The following BSN variants were observed in gnomAD, a reference collection of about 807,000 sequenced individuals.
BSN encodes protein bassoon.
Under a neutral mutation model 264.8 loss-of-function variants are expected in BSN, and 57 were observed. That is an observed-to-expected ratio of 0.22 (90% CI 0.17 to 0.27). The LOEUF is 0.27. BSN is among the 10% of genes least tolerant of loss of function. BSN has a pLI of 1.00. For synonymous variants in BSN, 2,059 were observed against 2,137.3 expected (o/e 0.96, Z 1.01); for missense variants, 4,615 against 5,232.5 (o/e 0.88, Z 3.64).
At chr3:49,557,647 C>T (rs539343269) in intron 1 of BSN, among the ~76,000 whole-genome samples, 3 of 150,864 alleles carry the variant, frequency 2.0e-5, no homozygotes, top group Admixed American at 6.6e-5. Context: ...GCACGATCTC[C>T]GCTCACTGCA....
In BSN at chr3:49,663,145, G is replaced by A. The variant is rs1218069449; in HGVS notation, c.10987G>A (p.Gly3663Arg). The change falls in exon 7 of 12, where the codon GGA becomes AGA. Residue 3663 changes from glycine to arginine, a missense_variant. Around this residue, in one of 3 missense-constraint regions of BSN, gnomAD observed 3,415 missense variants for 3,866.4 expected, o/e 0.88. Transcript: ENST00000296452. Reference sequence around the variant, plus strand: ...AGGCCGCCACACTGGTGAGGAGCCGGGACGGCGTGCTGCCAAACCACACGC... The same window carrying A: ...AGGCCGCCACACTGGTGAGGAGCCGAGACGGCGTGCTGCCAAACCACACGC... ...HSGRHTGEEP[G>R]RRAAKPHARD... 2.5e-6 allele frequency: 4 copies of A among 1,612,538 alleles called. No individual in the cohort carries two copies. The South Asian group carries it at 3.3e-5, about 13-fold the overall frequency.
At position 49,669,266 on chromosome 3, in the gene BSN, A is replaced by G. The variant is rs36116071; in HGVS notation, c.*1781A>G. 0.044 allele frequency: 6,727 copies of G among 152,696 alleles called. 222 individuals are homozygous for G. The highest frequency in any genetic ancestry group is 0.06 in the Non-Finnish European group (4,083 of 68,012). 9.5% of individuals were successfully genotyped at this position (152,696 alleles called of 1,614,324 possible). On this transcript the variant is annotated 3_prime_UTR_variant, in exon 12 of 12. Coordinates refer to ENST00000296452, the MANE Select transcript of BSN (RefSeq NM_003458.4). ...GTGCCAGGCTGCAGGGCAGGCAGTAAAAGGCCCCCACATACCCTGCAGTTT... is the reference window on the plus strand; with the variant it reads ...GTGCCAGGCTGCAGGGCAGGCAGTAGAAGGCCCCCACATACCCTGCAGTTT...
intron 3 of BSN, among the ~76,000 whole-genome samples, chr3:49,649,494 A>G (rs935319135): frequency 1.3e-5 from 2 of 152,170 alleles, no homozygotes; most frequent in Non-Finnish European, 2.9e-5. Flanking sequence ...AAGGACTTCA[A>G]ATCCTGCCAA....
intron 1 of BSN, among the ~76,000 whole-genome samples, chr3:49,562,970 A>G (rs1407322105): frequency 6.6e-6 from 1 of 152,216 alleles, no homozygotes; most frequent in Non-Finnish European, 1.5e-5. Flanking sequence ...GATGATCTCC[A>G]CAGTCCCTTC....
chr3:49,644,872 T>C (rs561120893), intron 3 of BSN, among the ~76,000 whole-genome samples: 12 of 152,326 alleles, frequency 7.9e-5, no homozygotes, highest in African/African-American at 2.4e-4. Context: ...ACAGTTCCTC[T>C]TGGCCGTCCC....
chr3:49,643,212 G>C (rs1039082620), intron 3 of BSN, 60 bp downstream of exon 3: 2 of 1,532,856 alleles, frequency 1.3e-6, no homozygotes, highest in Non-Finnish European at 1.8e-6. Flanking sequence ...CCTGGGTAGT[G>C]AGTGTCATGG....
In BSN at chr3:49,638,052, T is replaced by C. The variant is rs1179555179; in HGVS notation, c.634-4216T>C. 6.6e-6 allele frequency among the ~76,000 whole-genome samples: 1 copy of C among 152,230 alleles called. No homozygotes were observed. The highest frequency in any genetic ancestry group is 6.5e-5 in the Admixed American group (1 of 15,288). On this transcript the variant is annotated intron_variant, in intron 2 of 11. Coordinates refer to ENST00000296452, the MANE Select transcript of BSN (RefSeq NM_003458.4). This position sits in a 1 kb window ranked among gnomAD's most constrained non-coding sequence, Gnocchi z 4.3. ...TGGTAGCCTGCACATCTCCTGCCCA[T>C]GTGCCAGATCAGGATCTTGGAGGTA... is the stretch of plus-strand genomic sequence containing the variant.
At chr3:49,650,240 T>C (rs148205124) in intron 3 of BSN, among the ~76,000 whole-genome samples, 1 of 152,330 alleles carries the variant, frequency 6.6e-6, no homozygotes, top group Non-Finnish European at 1.5e-5. Flanking sequence ...CTGGACTCCA[T>C]ACCAGCCCAC....
At position 49,608,717 on chromosome 3, in the gene BSN, A is replaced by G. The variant is rs149864157; in HGVS notation, c.225-16258A>G. ...GTGGCAGGCGCCTGTAATCCCAGCT[A>G]CTTGAGAGGCTGAGGCAGGAGAATT... On this transcript the variant is annotated intron_variant, in intron 1 of 11. Transcript: ENST00000296452. Among the ~76,000 whole-genome samples, 807 of 152,114 alleles carry G rather than the reference A, an allele frequency of 5.3e-3. 10 individuals carry two copies. The highest frequency in any genetic ancestry group is 0.018 in the African/African-American group (735 of 41,500).
intron 1 of BSN, among the ~76,000 whole-genome samples, chr3:49,592,666 G>T (rs903504593): frequency 4.6e-5 from 7 of 151,212 alleles, no homozygotes; most frequent in Non-Finnish European, 8.8e-5. Flanking sequence ...CAGGAGAATG[G>T]TGTGAACCTG....
chr3:49,665,984 C>T (rs954479082), intron 11 of BSN, among the ~76,000 whole-genome samples: 1 of 152,252 alleles, frequency 6.6e-6, no homozygotes, highest in African/African-American at 2.4e-5. Context: ...CTGGCCCTGG[C>T]CCTGGCCTTG....
chr3:49,662,144 C>T lies in BSN; in HGVS notation c.10299C>T (p.Asp3433=), dbSNP rs148599170. 2.9e-5 allele frequency: 47 copies of T among 1,613,386 alleles called. No homozygotes were observed. The highest frequency in any genetic ancestry group is 2.7e-4 in the African/African-American group (20 of 74,934). Residue 3433 remains aspartate (D), a synonymous_variant, in exon 6 of 12, where the codon GAC becomes GAT. Transcript: ENST00000296452. The part of the protein sequence containing the change: ...YGMSSRDAVE[D]DRIYGGSSRS... ...TGTCCAGCCGGGACGCAGTGGAGGA[C>T]GACCGCATTTATGGCGGGAGCAGCC...
At chr3:49,582,267 TA>T (rs2051900371) in intron 1 of BSN, among the ~76,000 whole-genome samples, 1 of 152,266 alleles carries the variant, frequency 6.6e-6, no homozygotes, top group Non-Finnish European at 1.5e-5. Context: ...TGGCCATTTG[TA>T]AATCTTTAGA....
At chr3:49,635,309 G>T (rs527939988) in intron 2 of BSN, among the ~76,000 whole-genome samples, 3 of 152,284 alleles carry the variant, frequency 2.0e-5, no homozygotes, top group African/African-American at 4.8e-5. Flanking sequence ...AGCAAAGGTG[G>T]CTGGCAAGGA....
intron 11 of BSN, 135 bp from the exon 12 acceptor site, chr3:49,667,455 G>T (rs544684055): frequency 6.6e-6 from 1 of 152,644 alleles, no homozygotes; most frequent in Admixed American, 6.5e-5. Context: ...ATGGCACCCC[G>T]TGGGTGAGGA....
intron 1 of BSN, among the ~76,000 whole-genome samples, chr3:49,590,010 G>T (rs1385286123): frequency 6.6e-6 from 1 of 151,682 alleles, no homozygotes; most frequent in African/African-American, 2.4e-5. Flanking sequence ...GCTAATTTTT[G>T]TATTTTTAGT....
rs538947186 is a variant in BSN at position 49,669,307 on chromosome 3, G to A, written c.*1822G>A. 6.5e-6 allele frequency: 1 copy of A among 152,766 alleles called. No individual in the cohort carries two copies. Among genetic ancestry groups the A allele is most frequent in the African/African-American group, 2.4e-5 (1 of 41,578 alleles). 9.5% of individuals were successfully genotyped at this position (152,766 alleles called of 1,614,324 possible). Reference sequence around the variant, plus strand: ...CCTGCAGTTTTCTCTGTCCAGGACAGCAGGTAAAAAGGAATCCCCAGAGCA... The same window carrying A: ...CCTGCAGTTTTCTCTGTCCAGGACAACAGGTAAAAAGGAATCCCCAGAGCA... On this transcript the variant is annotated 3_prime_UTR_variant, in exon 12 of 12. Transcript: ENST00000296452.
intron 1 of BSN, among the ~76,000 whole-genome samples, chr3:49,605,694 TA>T (rs1304487699): frequency 4.7e-5 from 3 of 63,708 alleles, no homozygotes; most frequent in African/African-American, 6.4e-5. Context: ...ATATATTATA[TA>T]TAATATATAT....
At chr3:49,583,860 A>G (rs2051913372) in intron 1 of BSN, among the ~76,000 whole-genome samples, 1 of 151,726 alleles carries the variant, frequency 6.6e-6, no homozygotes, top group South Asian at 2.1e-4. Context: ...TTCTCTTGCA[A>G]TCCGATTTAT....
Sources: gnomAD v4.1 joint callset for allele counts (sites outside exome capture counted in the v4.1 genomes callset) on GRCh38, gnomAD v4.1.1 for gene constraint, gnomAD v4.1.1 regional missense constraint, Gnocchi (gnomAD v3.1) non-coding constraint, MANE v1.5 for transcripts, NCBI Gene and HGNC (gene_info 2026-07-23, HGNC 2026-07-21) for gene names.